AVEN: variants seen among roughly 807,000 people sequenced by gnomAD.
The protein encoded by AVEN is apoptosis and caspase activation inhibitor.
A neutral mutation model predicts 38.1 loss-of-function variants in AVEN; 41 were observed. The observed-to-expected ratio is 1.08, with a 90% CI of 0.84 to 1.40. The LOEUF (loss-of-function observed/expected upper bound fraction) is 1.40, where lower values mean the gene tolerates loss of function less well. AVEN is among the 40% of genes most tolerant of loss of function. The pLI, the probability that AVEN is intolerant of heterozygous loss-of-function variation, is 0.00. For missense variants in AVEN, 605 were observed against 438.8 expected, an observed-to-expected ratio of 1.38 and a Z score of -3.38; for synonymous variants, 206 against 171.8, an observed-to-expected ratio of 1.20 and a Z score of -1.56.
intron 3 of AVEN, among the ~76,000 whole-genome samples, chr15:33,875,115 G>A (rs1004842822): frequency 2.6e-5 from 4 of 152,152 alleles, no homozygotes; most frequent in African/African-American, 7.2e-5. Flanking sequence ...CCAGCCCACA[G>A]ATCAAACGAG....
chr15:33,989,775 A>G (rs1302542420), intron 2 of AVEN, among the ~76,000 whole-genome samples: 2 of 151,992 alleles, frequency 1.3e-5, no homozygotes, highest in Admixed American at 1.3e-4. Flanking sequence ...GATCAGAAGC[A>G]TTTATTTGCT....
At chr15:33,953,230 C>G (rs1293967122) in intron 2 of AVEN, among the ~76,000 whole-genome samples, 1 of 151,818 alleles carries the variant, frequency 6.6e-6, no homozygotes, top group Non-Finnish European at 1.5e-5. Flanking sequence ...TCTATAGATT[C>G]AATGCCATCC....
At chr15:33,861,063 TGTTA>T (rs1182064447) in intron 11 of AVEN, 1 of 1,555,292 alleles carries the variant, frequency 6.4e-7, no homozygotes, top group East Asian at 2.3e-5. Context: ...CTTTTCTGCC[TGTTA>T]TTTTTCTTAG....
chr15:33,989,758 T>C (rs1016105471), intron 2 of AVEN, among the ~76,000 whole-genome samples: 2 of 152,032 alleles, frequency 1.3e-5, no homozygotes, highest in African/African-American at 4.8e-5. Flanking sequence ...CAATTAAATA[T>C]GACATTGATC....
intron 2 of AVEN, among the ~76,000 whole-genome samples, chr15:33,957,481 C>T (rs57993447): frequency 0.24 from 36,102 of 152,026 alleles, 5,445 homozygotes; most frequent in African/African-American, 0.43. Context: ...ACCCAACAAT[C>T]CTACTCCTAC....
chr15:33,875,893 C>G (rs1257902428), intron 3 of AVEN, 32 bp downstream of exon 3: 1 of 1,582,782 alleles, frequency 6.3e-7, no homozygotes, highest in African/African-American at 1.4e-5. Context: ...TGAAGAAGAG[C>G]CAGTCCACAC....
intron 2 of AVEN, among the ~76,000 whole-genome samples, chr15:33,978,928 C>T (rs1423703951): frequency 4.4e-5 from 2 of 44,944 alleles, no homozygotes; most frequent in Admixed American, 3.6e-4. Flanking sequence ...TATGTCCATG[C>T]CAGGCAAAAG....
intron 1 of AVEN, among the ~76,000 whole-genome samples, chr15:34,013,210 C>T (rs948101986): frequency 1.8e-4 from 27 of 152,018 alleles, no homozygotes; most frequent in Admixed American, 1.4e-3. Flanking sequence ...TACAGGCGCG[C>T]GCCACCACGC....
chr15:33,895,719 C>A (rs994931485), intron 2 of AVEN, among the ~76,000 whole-genome samples: 1 of 152,124 alleles, frequency 6.6e-6, no homozygotes, highest in African/African-American at 2.4e-5. Context: ...ACCAACTCCA[C>A]CAGATAAATA....
chr15:33,941,836 T>C (rs1473704605), intron 2 of AVEN, among the ~76,000 whole-genome samples: 1 of 152,196 alleles, frequency 6.6e-6, no homozygotes, highest in East Asian at 1.9e-4. Context: ...GCAATACTTG[T>C]ACAAGTAGAA....
At chr15:33,996,082 G>A (rs1297927692) in intron 2 of AVEN, among the ~76,000 whole-genome samples, 3 of 152,232 alleles carry the variant, frequency 2.0e-5, no homozygotes, top group South Asian at 2.1e-4. Context: ...CACTGCTAGC[G>A]CAGCAGTCTG....
At chr15:33,907,485 A>C (rs1040435658) in intron 2 of AVEN, among the ~76,000 whole-genome samples, 8 of 152,256 alleles carry the variant, frequency 5.3e-5, no homozygotes, top group Non-Finnish European at 7.4e-5. Flanking sequence ...CATATTTTTC[A>C]CTGGTTTAAA....
At chr15:33,972,007 T>C (rs1266381750) in intron 2 of AVEN, 1 of 152,122 alleles carries the variant, frequency 6.6e-6, no homozygotes. Context: ...TAAGCACTAT[T>C]ATTTCAAGTC....
intron 2 of AVEN, among the ~76,000 whole-genome samples, chr15:33,904,601 C>T (rs960897623): frequency 2.0e-5 from 3 of 150,706 alleles, no homozygotes; most frequent in Non-Finnish European, 4.4e-5. Context: ...TTAGTAGAGA[C>T]GGAGTTTCAC....
At chr15:33,953,062 T>A (rs934390360) in intron 2 of AVEN, among the ~76,000 whole-genome samples, 2 of 152,034 alleles carry the variant, frequency 1.3e-5, no homozygotes, top group African/African-American at 4.8e-5. Context: ...ATAAAATACC[T>A]AGGAATACAA....
At chr15:33,920,699 C>A (rs1265447743) in intron 2 of AVEN, among the ~76,000 whole-genome samples, 8 of 152,210 alleles carry the variant, frequency 5.3e-5, no homozygotes, top group African/African-American at 1.7e-4. Context: ...CCTGATTCAT[C>A]TCTGGATCTC....
intron 5 of AVEN, among the ~76,000 whole-genome samples, chr15:34,056,221 T>C (rs1900143440): frequency 6.6e-6 from 1 of 152,226 alleles, no homozygotes; most frequent in Non-Finnish European, 1.5e-5. Flanking sequence ...GAAAGCATTT[T>C]AAAGGATAAA....
At chr15:33,977,923 C>T (rs114725444) in intron 2 of AVEN, among the ~76,000 whole-genome samples, 1,590 of 146,390 alleles carry the variant, frequency 0.011, 32 homozygotes, top group African/African-American at 0.039. Flanking sequence ...GGTGACAGAA[C>T]GAGCCCTGTC....
At chr15:34,074,057 T>A (rs59210484) in intron 1 of AVEN, among the ~76,000 whole-genome samples, 3,330 of 137,874 alleles carry the variant, frequency 0.024, 145 homozygotes, top group African/African-American at 0.088. Context: ...GAGTGCAGTG[T>A]CACAATTTCG....
Sources: gnomAD v4.1 joint callset for allele counts (sites outside exome capture counted in the v4.1 genomes callset) on GRCh38, gnomAD v4.1.1 for gene constraint, MANE v1.5 for transcripts, NCBI Gene and HGNC (gene_info 2026-07-23, HGNC 2026-07-21) for gene names.